Variants in NDST3 observed in about 807,000 individuals in gnomAD.
NDST3 encodes bifunctional heparan sulfate N-deacetylase/N-sulfotransferase 3.
Under a neutral mutation model 96.1 loss-of-function variants are expected in NDST3, and 58 were observed. The ratio of observed to expected loss-of-function variants is 0.60; its 90% CI spans 0.49 to 0.75. NDST3 has a LOEUF of 0.75. Ranked by LOEUF, NDST3 falls within the 30% of genes least tolerant of loss-of-function variation. The pLI is 0.00. For missense variants in NDST3, 788 were observed against 1,034.2 expected (o/e 0.76, Z 3.27); for synonymous variants, 333 against 359.7 (o/e 0.93, Z 0.84).
At position 118,198,851 on chromosome 4, in the gene NDST3, T is replaced by C. The variant is rs138459119; in HGVS notation, c.1540-25640T>C. Among the ~76,000 whole-genome samples, 621 of 152,324 alleles carry C rather than the reference T, an allele frequency of 4.1e-3. 5 individuals are homozygous for C. Among genetic ancestry groups the C allele is most frequent in the African/African-American group, 0.014 (581 of 41,582 alleles). On this transcript the variant is annotated intron_variant, in intron 6 of 13. Coordinates refer to ENST00000296499, the MANE Select transcript of NDST3 (RefSeq NM_004784.3). ...ATACTATTCTAGCATAAAAGTTCTC[T>C]TCCCTTCAGCACTTTAAATATTTCA... is the stretch of plus-strand genomic sequence containing the variant.
intron 6 of NDST3, among the ~76,000 whole-genome samples, chr4:118,201,943 A>G (rs1320228607): frequency 2.0e-5 from 3 of 152,044 alleles, no homozygotes; most frequent in Non-Finnish European, 2.9e-5. Context: ...TCTTTAATTC[A>G]TTTTGAGTTA....
chr4:118,171,420 T>C (rs1440826179), intron 6 of NDST3, among the ~76,000 whole-genome samples: 2 of 152,242 alleles, frequency 1.3e-5, no homozygotes, highest in Admixed American at 6.5e-5. Flanking sequence ...TATTGTATCA[T>C]ATCTGAGATT....
At chr4:118,045,750 G>C (rs1285746951) in intron 1 of NDST3, among the ~76,000 whole-genome samples, 2 of 152,146 alleles carry the variant, frequency 1.3e-5, no homozygotes, top group African/African-American at 4.8e-5. Flanking sequence ...GTAAGAAGCA[G>C]ATGTGCGATA....
intron 12 of NDST3, among the ~76,000 whole-genome samples, chr4:118,251,889 G>C (rs1330289404): frequency 6.6e-6 from 1 of 152,008 alleles, no homozygotes; most frequent in African/African-American, 2.4e-5. Context: ...GGAGAGACTT[G>C]GTATTTTAAA....
intron 6 of NDST3, among the ~76,000 whole-genome samples, chr4:118,169,814 G>A (rs1036631309): frequency 6.7e-6 from 1 of 150,182 alleles, no homozygotes; most frequent in African/African-American, 2.5e-5. Context: ...AAAAAAGAGA[G>A]CTGAACTGGG....
chr4:118,052,118 A>T (rs1219365384), intron 1 of NDST3, among the ~76,000 whole-genome samples: 1 of 152,072 alleles, frequency 6.6e-6, no homozygotes, highest in African/African-American at 2.4e-5. Flanking sequence ...AAATAGTAAG[A>T]TAAACAATCA....
intron 6 of NDST3, among the ~76,000 whole-genome samples, chr4:118,148,089 G>A (rs1369016163): frequency 2.0e-5 from 3 of 152,156 alleles, no homozygotes. Flanking sequence ...ATGAGGTCAG[G>A]AGATCAAGAC....
chr4:118,066,278 A>G (rs60788686), intron 2 of NDST3, among the ~76,000 whole-genome samples: 86 of 4,984 alleles, frequency 0.017, 9 homozygotes, highest in South Asian at 0.25. Flanking sequence ...TATATATTAT[A>G]TATTATATAT....
chr4:118,174,062 A>T (rs1736122768), intron 6 of NDST3, among the ~76,000 whole-genome samples: 1 of 152,182 alleles, frequency 6.6e-6, no homozygotes. Flanking sequence ...TTTCTGTGCA[A>T]CTGTGGTTTA....
intron 10 of NDST3, among the ~76,000 whole-genome samples, chr4:118,237,663 C>T (rs1031671607): frequency 6.6e-6 from 1 of 152,096 alleles, no homozygotes. Flanking sequence ...TCGAAAGCAG[C>T]CATAGACAAT....
At chr4:118,114,673 A>AGC (rs1346490494) in intron 3 of NDST3, 133 bp from the exon 4 acceptor site, 2 of 943,730 alleles carry the variant, frequency 2.1e-6, no homozygotes, top group Admixed American at 2.9e-5. Flanking sequence ...TTGGGTTTAA[A>AGC]GCCTTATACG....
chr4:118,148,799 T>C (rs908673511), intron 6 of NDST3, among the ~76,000 whole-genome samples: 13 of 152,228 alleles, frequency 8.5e-5, no homozygotes, highest in African/African-American at 3.1e-4. Context: ...TTTTGTTCGC[T>C]AGTTCTGGAA....
At chr4:118,042,086 C>T (rs994062583) in intron 1 of NDST3, among the ~76,000 whole-genome samples, 3 of 152,076 alleles carry the variant, frequency 2.0e-5, no homozygotes, top group Non-Finnish European at 4.4e-5. Flanking sequence ...TTGTATTTGT[C>T]TACATCCAAC....
At chr4:118,060,753 T>C (rs547069922) in intron 2 of NDST3, among the ~76,000 whole-genome samples, 42 of 152,108 alleles carry the variant, frequency 2.8e-4, no homozygotes, top group Non-Finnish European at 5.4e-4. Flanking sequence ...CTCCAAAAAT[T>C]TAAACACATG....
At chr4:118,096,059 C>T (rs942083386) in intron 2 of NDST3, among the ~76,000 whole-genome samples, 1 of 151,894 alleles carries the variant, frequency 6.6e-6, no homozygotes, top group African/African-American at 2.4e-5. Context: ...TGTCTGAACA[C>T]TGTGTTTTGT....
At position 118,054,440 on chromosome 4, in the gene NDST3, T is replaced by A. The variant is rs200993414; in HGVS notation, c.530T>A (p.Leu177Ter). The change falls in exon 2 of 14, where the codon TTA becomes TAA. Residue 177 changes from leucine (L) to a stop codon, truncating the protein, a stop_gained. Coordinates refer to ENST00000296499, the MANE Select transcript of NDST3 (RefSeq NM_004784.3). LOFTEE classifies it high-confidence loss of function. ...TSEKSVQSFQ[L>*]KGFPFSIYGN... ...GAGAAGAGTGTACAGAGCTTTCAGT[T>A]AAAAGGTTTCCCTTTTTCCATATAT... 1 of 1,613,024 alleles carries A rather than the reference T, an allele frequency of 6.2e-7. No homozygotes were observed. Among genetic ancestry groups the A allele is most frequent in the African/African-American group, 1.3e-5 (1 of 74,976 alleles).
At position 118,257,370 on chromosome 4, in the gene NDST3, C is replaced by CTCAT. The variant is rs1328585676; in HGVS notation, c.*1659_*1662dup. ...ACTAGGCTGATCTTGAACTCCTGAC[C>CTCAT]TCATGATCCACCCACCTTGGCCTCT... On this transcript the variant is annotated 3_prime_UTR_variant, in exon 14 of 14. Transcript: ENST00000296499. The CTCAT allele has an allele frequency of 2.6e-5, 4 of 152,126 alleles. No individual in the cohort carries two copies. The highest frequency in any genetic ancestry group is 9.7e-5 in the African/African-American group (4 of 41,398). The allele number at this position is 152,126 out of a possible 1,614,324, so 9.4% of individuals were successfully genotyped here. A position where few individuals can be genotyped will look rare whatever the true frequency, so the allele number is the denominator to read the frequency against.
chr4:118,216,844 C>T (rs1739222710), intron 6 of NDST3, among the ~76,000 whole-genome samples: 1 of 152,048 alleles, frequency 6.6e-6, no homozygotes, highest in Non-Finnish European at 1.5e-5. Context: ...GAAAAAATAA[C>T]TGACCCTAGA....
intron 2 of NDST3, among the ~76,000 whole-genome samples, chr4:118,063,949 T>C (rs2389508): frequency 0.85 from 129,702 of 152,142 alleles, 56,861 homozygotes; most frequent in South Asian, 0.96. Context: ...CTCCACCTTA[T>C]GGTAAATTAC....
Sources: gnomAD v4.1 joint callset for allele counts (sites outside exome capture counted in the v4.1 genomes callset) on GRCh38, gnomAD v4.1.1 for gene constraint, MANE v1.5 for transcripts, NCBI Gene and HGNC (gene_info 2026-07-23, HGNC 2026-07-21) for gene names.